CCDC74A: variants seen among roughly 807,000 people sequenced by gnomAD.
The protein encoded by CCDC74A is coiled-coil domain containing 74A.
CCDC74A carries 38 observed loss-of-function variants against 37.6 expected under a neutral mutation model. The ratio of observed to expected loss-of-function variants is 1.01; its 90% CI spans 0.78 to 1.33. The LOEUF is 1.33. CCDC74A is among the 40% of genes most tolerant of loss of function. CCDC74A has a pLI of 0.00. For synonymous variants in CCDC74A, 134 were observed against 165.2 expected, an observed-to-expected ratio of 0.81 and a Z score of 1.45; for missense variants, 340 against 403.4, an observed-to-expected ratio of 0.84 and a Z score of 1.35.
At chr2:131,527,233 C>T (rs897909525), upstream of CCDC74A, among the ~76,000 whole-genome samples, 12 of 151,936 alleles carry the variant, frequency 7.9e-5, no homozygotes, top group African/African-American at 2.2e-4. Context: ...CCTCAGCCTC[C>T]GGAGTAGCTG....
At chr2:131,528,270 A>AAC in intron 1 of CCDC74A, 50 bp downstream of exon 1, 1 of 1,599,176 alleles carries the variant, frequency 6.3e-7, no homozygotes, top group Non-Finnish European at 8.5e-7. Flanking sequence ...AGGCACACTC[A>AAC]ACACTGCCGC....
chr2:131,529,133 C>T, intron 1 of CCDC74A: 1 of 211,492 alleles, frequency 4.7e-6, no homozygotes, highest in South Asian at 8.3e-5. Context: ...GCAAGGGCAC[C>T]AGTGCCCGCG....
intron 2 of CCDC74A, chr2:131,530,225 G>GC (rs1681002281): frequency 6.5e-7 from 1 of 1,547,282 alleles, no homozygotes; most frequent in Non-Finnish European, 8.7e-7. Context: ...CCTGACAGCG[G>GC]CCCCCACCCA....
intron 2 of CCDC74A, 147 bp downstream of exon 2, chr2:131,529,838 A>G (rs1680915867): frequency 5.9e-6 from 9 of 1,515,694 alleles, no homozygotes; most frequent in Non-Finnish European, 8.0e-6. Context: ...AGATGCCGCT[A>G]CCTCTAGCCG....
upstream of CCDC74A, among the ~76,000 whole-genome samples, chr2:131,522,757 T>G (rs1445381362): frequency 2.6e-5 from 4 of 152,112 alleles, no homozygotes; most frequent in Non-Finnish European, 4.4e-5. Flanking sequence ...GTAAGTCAGA[T>G]TCTGATCATC....
Position 131,528,144 on chromosome 2 carries a change from G to A in CCDC74A, c.174G>A (p.Gln58=), listed in dbSNP as rs369268079. Residue 58 remains glutamine (Q), a synonymous_variant, in exon 1 of 8, where the codon CAG becomes CAA. Coordinates refer to ENST00000409856, the MANE Select transcript of CCDC74A (RefSeq NM_001258306.3). ...ACCTGGACCTGGAGAAAAGCCTGCA[G>A]TTCCTGCAGCAGCAGCACTCGGAGA... ...KRNLDLEKSL[Q]FLQQQHSEML... is the part of the protein sequence containing the mutation. 31 of 1,613,840 alleles carry A rather than the reference G, an allele frequency of 1.9e-5. No individual in the cohort carries two copies. The highest frequency in any genetic ancestry group is 6.7e-5 in the African/African-American group (5 of 74,940).
chr2:131,532,333 G>A (rs1285476603), intron 4 of CCDC74A, among the ~76,000 whole-genome samples: 7 of 142,564 alleles, frequency 4.9e-5, no homozygotes, highest in East Asian at 2.0e-4. Context: ...GTGGGGTCAC[G>A]ATCAAGAGCA....
intron 1 of CCDC74A, chr2:131,528,638 G>A (rs574921433): frequency 3.2e-6 from 2 of 634,302 alleles, no homozygotes; most frequent in Admixed American, 4.9e-5. Context: ...GTGAAATCTC[G>A]TCTCTACTAA....
chr2:131,523,960 G>A (rs538707434), upstream of CCDC74A, among the ~76,000 whole-genome samples: 1 of 152,110 alleles, frequency 6.6e-6, no homozygotes, highest in East Asian at 1.9e-4. Context: ...CTAGGATCAA[G>A]GTTAAACACC....
chr2:131,527,773 G>C, upstream of CCDC74A: 3 of 731,550 alleles, frequency 4.1e-6, no homozygotes, highest in Non-Finnish European at 6.1e-6. Flanking sequence ...GGGATTACAG[G>C]CGTGAGCCCC....
In CCDC74A at chr2:131,529,673, C is replaced by G; in HGVS notation, c.277C>G (p.Gln93Glu). ...TCTCCATTACAAGCTCATAATGAAT[C>G]AGACATCACAGAAGAAAGGTGAGAA... ...KDLHYKLIMNQTSQKKDSLSM... is the reference protein window; with the variant it reads ...KDLHYKLIMNETSQKKDSLSM... The change falls in exon 2 of 8, where the codon CAG becomes GAG. Residue 93 changes from glutamine to glutamate, a missense_variant. This residue lies in a region of CCDC74A where 154 missense variants were observed against 153.9 expected (regional missense o/e 1.00). Coordinates refer to ENST00000409856, the MANE Select transcript of CCDC74A (RefSeq NM_001258306.3). 1.2e-6 allele frequency: 2 copies of G among 1,614,026 alleles called. No individual in the cohort carries two copies. The highest frequency in any genetic ancestry group is 2.2e-5 in the East Asian group (1 of 44,890).
chr2:131,533,021 A>G lies in CCDC74A; in HGVS notation c.761A>G (p.Glu254Gly), dbSNP rs1423059033. The stretch of plus-strand genomic sequence containing the variant: ...ACTCTTCCTTCACCCAGGGACCAAG[A>G]AGCCACGCATTTCCCCAAGGTCTCC... Reference protein sequence around the residue: ...PEEASFPRDQEATHFPKVSTK... With the variant: ...PEEASFPRDQGATHFPKVSTK... The change falls in exon 7 of 8, where the codon GAA becomes GGA. Residue 254 changes from glutamate to glycine, a missense_variant. Glu to Gly is a moderately conservative substitution (Grantham distance 98, BLOSUM62 -2). Coordinates refer to ENST00000409856, the MANE Select transcript of CCDC74A (RefSeq NM_001258306.3). The G allele has an allele frequency of 3.1e-6, 5 of 1,613,826 alleles. No homozygotes were observed. The African/African-American group carries it at 4.0e-5, about 13-fold the overall frequency.
chr2:131,523,353 C>T (rs531713825), upstream of CCDC74A, among the ~76,000 whole-genome samples: 85 of 152,272 alleles, frequency 5.6e-4, 1 homozygote, highest in African/African-American at 1.9e-3. Flanking sequence ...TTTGGCCAGG[C>T]GCAGTGGCTC....
chr2:131,529,741 G>A, intron 2 of CCDC74A, 50 bp downstream of exon 2: 2 of 1,605,916 alleles, frequency 1.2e-6, no homozygotes, highest in Non-Finnish European at 1.7e-6. Context: ...GCCACCCAGG[G>A]GAGCCCCTCC....
In CCDC74A at chr2:131,528,108, G is replaced by T. The variant is rs1331549527; in HGVS notation, c.138G>T (p.Pro46=). Residue 46 remains proline, a synonymous_variant, in exon 1 of 8, where the codon CCG becomes CCT. Coordinates refer to ENST00000409856, the MANE Select transcript of CCDC74A (RefSeq NM_001258306.3). ...GCCCGCAGCTCAGGCAGAGCGACCC[G>T]CAGAAACGGAACCTGGACCTGGAGA... ...PQSPQLRQSD[P]QKRNLDLEKS... The T allele has an allele frequency of 1.9e-6, 3 of 1,613,578 alleles. No homozygotes were observed. In the African/African-American group the frequency reaches 4.0e-5, roughly 22 times the overall value.
rs1680447990 is a variant in CCDC74A, at chr2:131,527,951, G to T, written c.-20G>T. 7.0e-7 allele frequency: 1 copy of T among 1,422,652 alleles called. No homozygotes were observed. Among genetic ancestry groups the T allele is most frequent in the Admixed American group, 3.2e-5 (1 of 31,668 alleles). 88.1% of individuals were successfully genotyped at this position (1,422,652 alleles called of 1,614,324 possible). ...GAGCCGGGGTGCAGTGGCAGCGGGAGAGTACCTGGCGATGGCGATATGAGC... is the reference window on the plus strand; with the variant it reads ...GAGCCGGGGTGCAGTGGCAGCGGGATAGTACCTGGCGATGGCGATATGAGC... On this transcript the variant is annotated 5_prime_UTR_variant, in exon 1 of 8. An upstream open reading frame in the 5' UTR gains an earlier in-frame stop. Coordinates refer to ENST00000409856, the MANE Select transcript of CCDC74A (RefSeq NM_001258306.3).
upstream of CCDC74A, among the ~76,000 whole-genome samples, chr2:131,522,821 C>A (rs144557776): frequency 9.1e-3 from 1,390 of 152,282 alleles, 22 homozygotes; most frequent in African/African-American, 0.031. Flanking sequence ...AAATCTATAC[C>A]TTTCCCCTTG....
rs774347547 is a variant in CCDC74A, at chr2:131,533,411, T to C, written c.*13T>C. On this transcript the variant is annotated 3_prime_UTR_variant, in exon 8 of 8. Coordinates refer to ENST00000409856, the MANE Select transcript of CCDC74A (RefSeq NM_001258306.3). The stretch of plus-strand genomic sequence containing the variant: ...CTCAGTGCTTTGAGCCACCCCAATC[T>C]GGTCAGTGCCAGGCCCACCAACCTG... 2.5e-6 allele frequency: 4 copies of C among 1,613,188 alleles called. No homozygotes were observed. In the South Asian group the frequency reaches 3.3e-5, roughly 13 times the overall value.
chr2:131,526,607 T>C (rs932220635), upstream of CCDC74A, among the ~76,000 whole-genome samples: 2 of 152,246 alleles, frequency 1.3e-5, no homozygotes, highest in African/African-American at 4.8e-5. Context: ...TCTGCCATAT[T>C]TAAGTCTGGC....
Sources: gnomAD v4.1 joint callset for allele counts (sites outside exome capture counted in the v4.1 genomes callset) on GRCh38, gnomAD v4.1.1 for gene constraint, gnomAD v4.1.1 regional missense constraint, MANE v1.5 for transcripts, NCBI Gene and HGNC (gene_info 2026-07-23, HGNC 2026-07-21) for gene names.